The following ZC3H12B variants were observed in gnomAD, a reference collection of about 807,000 sequenced individuals.
The protein encoded by ZC3H12B is probable ribonuclease ZC3H12B.
ZC3H12B carries 7 observed loss-of-function variants against 43.9 expected under a neutral mutation model. That is an observed-to-expected ratio of 0.16 (90% CI 0.09 to 0.30). The LOEUF is 0.30. Among genes scored for constraint, ZC3H12B ranks in the 10% least tolerant of loss-of-function variants. The pLI is 1.00. For missense variants in ZC3H12B, 475 were observed against 670.2 expected, an observed-to-expected ratio of 0.71 and a Z score of 3.22; for synonymous variants, 222 against 241.7, an observed-to-expected ratio of 0.92 and a Z score of 0.76.
At chrX:65,166,716 G>T in the ZC3H12B span, among the ~76,000 whole-genome samples, 1 of 111,524 alleles carries the variant, frequency 9.0e-6, no homozygotes, top group Non-Finnish European at 1.9e-5. Flanking sequence ...GGTGTTTCTT[G>T]ACTTTTTAAT....
At chrX:65,072,504 A>C in the ZC3H12B span, among the ~76,000 whole-genome samples, 1 of 112,092 alleles carries the variant, frequency 8.9e-6, no homozygotes, top group East Asian at 2.8e-4. Flanking sequence ...GTTCTTTCTC[A>C]TCTTTATGGG....
the ZC3H12B span, among the ~76,000 whole-genome samples, chrX:65,348,122 C>G: frequency 9.0e-6 from 1 of 111,523 alleles, no homozygotes; most frequent in Non-Finnish European, 1.9e-5. Context: ...AGGAGATATA[C>G]CTAATGTAAA....
the ZC3H12B span, among the ~76,000 whole-genome samples, chrX:65,058,105 G>T: frequency 8.9e-5 from 10 of 112,341 alleles, no homozygotes; most frequent in Non-Finnish European, 1.7e-4. Flanking sequence ...TCTCTGTCCA[G>T]TTTTTTCCAT....
chrX:65,098,114 T>C, the ZC3H12B span, among the ~76,000 whole-genome samples: 1 of 110,654 alleles, frequency 9.0e-6, no homozygotes, highest in Non-Finnish European at 1.9e-5. Context: ...AACTAACTCT[T>C]AGAATGTGTG....
At chrX:65,412,064 G>C (rs2066910130) in intron 3 of ZC3H12B, among the ~76,000 whole-genome samples, 2 of 110,907 alleles carry the variant, frequency 1.8e-5, no homozygotes, top group South Asian at 7.5e-4. Context: ...TCACAGTGTT[G>C]TGCAACCATT....
At chrX:65,381,999 T>A (rs2066447861) in intron 2 of ZC3H12B, among the ~76,000 whole-genome samples, 1 of 111,829 alleles carries the variant, frequency 8.9e-6, no homozygotes, top group Admixed American at 9.5e-5. Flanking sequence ...ACCAGATGGA[T>A]TCACAGCCGA....
chrX:65,066,844 G>A, the ZC3H12B span, among the ~76,000 whole-genome samples: 1 of 111,966 alleles, frequency 8.9e-6, no homozygotes, highest in African/African-American at 3.3e-5. Flanking sequence ...TGCCCCGTGT[G>A]TAGGAATCTA....
the ZC3H12B span, among the ~76,000 whole-genome samples, chrX:65,163,152 G>T: frequency 8.1e-5 from 9 of 110,707 alleles, no homozygotes; most frequent in Non-Finnish European, 1.3e-4. Flanking sequence ...GAATACCTGG[G>T]CGTGTGAGGT....
chrX:65,415,741 T>G (rs964680949), intron 3 of ZC3H12B, among the ~76,000 whole-genome samples: 1 of 112,242 alleles, frequency 8.9e-6, no homozygotes, highest in Non-Finnish European at 1.9e-5. Context: ...TTTTACAAAT[T>G]TAATTAACTT....
the ZC3H12B span, among the ~76,000 whole-genome samples, chrX:65,040,362 A>G: frequency 9.7e-6 from 1 of 102,719 alleles, no homozygotes; most frequent in Admixed American, 1.0e-4. Context: ...TTTTAGGACT[A>G]TCATTAACTG....
the ZC3H12B span, among the ~76,000 whole-genome samples, chrX:65,311,289 C>A: frequency 9.0e-6 from 1 of 111,568 alleles, no homozygotes; most frequent in Admixed American, 9.5e-5. Flanking sequence ...AGAACTTAAA[C>A]AAATTTACAA....
intron 2 of ZC3H12B, among the ~76,000 whole-genome samples, chrX:65,385,140 T>A (rs913856039): frequency 8.9e-6 from 1 of 112,377 alleles, no homozygotes; most frequent in Non-Finnish European, 1.9e-5. Flanking sequence ...AGGCTCTTTT[T>A]CGGTTCTGTG....
At chrX:65,472,534 T>G (rs1188296156) in intron 3 of ZC3H12B, among the ~76,000 whole-genome samples, 2 of 109,820 alleles carry the variant, frequency 1.8e-5, no homozygotes, top group Non-Finnish European at 3.8e-5. Flanking sequence ...CCTGTTTTCT[T>G]CTATAAATTC....
chrX:65,401,970 T>C (rs966430145), intron 3 of ZC3H12B, among the ~76,000 whole-genome samples: 1 of 111,805 alleles, frequency 8.9e-6, no homozygotes, highest in Non-Finnish European at 1.9e-5. Context: ...GCTTCAGATA[T>C]CAGCATGACT....
the ZC3H12B span, among the ~76,000 whole-genome samples, chrX:65,106,749 G>T: frequency 1.4e-3 from 159 of 111,195 alleles, 1 homozygote; most frequent in Non-Finnish European, 2.5e-3. Flanking sequence ...CGTTCAGTTT[G>T]GTGAATAATA....
the ZC3H12B span, among the ~76,000 whole-genome samples, chrX:65,348,865 T>A: frequency 3.6e-5 from 4 of 111,491 alleles, no homozygotes; most frequent in Admixed American, 3.8e-4. Context: ...TCAAGATTCA[T>A]AGAGCTAGTT....
the ZC3H12B span, among the ~76,000 whole-genome samples, chrX:65,065,006 C>G: frequency 9.1e-6 from 1 of 110,314 alleles, no homozygotes; most frequent in African/African-American, 3.3e-5. Flanking sequence ...AAATATTTCT[C>G]CATCCCTTTA....
chrX:65,035,024 G>T, the ZC3H12B span, among the ~76,000 whole-genome samples: 3 of 112,509 alleles, frequency 2.7e-5, no homozygotes, highest in African/African-American at 9.7e-5. Context: ...CTGGGCGAGC[G>T]CCTTCCCCCC....
intron 3 of ZC3H12B, among the ~76,000 whole-genome samples, chrX:65,466,662 C>T (rs752836726): frequency 2.2e-4 from 23 of 105,877 alleles, no homozygotes; most frequent in Non-Finnish European, 4.1e-4. Flanking sequence ...TTCCATAAAG[C>T]GTTCCAATTT....
Sources: allele counts gnomAD v4.1 joint callset (sites outside exome capture counted in the v4.1 genomes callset), GRCh38; gene constraint gnomAD v4.1.1; transcripts MANE v1.5; gene names NCBI Gene and HGNC (gene_info 2026-07-23, HGNC 2026-07-21).